The following MCF2 variants were observed in gnomAD, a reference collection of about 807,000 sequenced individuals.
MCF2 encodes the protein proto-oncogene DBL.
Under a neutral mutation model 82.5 loss-of-function variants are expected in MCF2, and 44 were observed. The ratio of observed to expected loss-of-function variants is 0.53; its 90% CI spans 0.42 to 0.69. The LOEUF (loss-of-function observed/expected upper bound fraction) is 0.69. MCF2 is among the 30% of genes least tolerant of loss of function. MCF2 has a pLI of 0.00. For synonymous variants in MCF2, 217 were observed against 224.9 expected (o/e 0.96, Z 0.32); for missense variants, 623 against 663.1 (o/e 0.94, Z 0.66).
At chrX:139,642,945 T>C, upstream of MCF2, 1 of 446,638 alleles carries the variant, frequency 2.2e-6, no homozygotes, top group Non-Finnish European at 2.9e-6. Context: ...GGTGGAATGC[T>C]AAGAATCTTT....
chrX:139,678,913 A>C (rs1934936709), intron 1 of MCF2, among the ~76,000 whole-genome samples: 1 of 112,550 alleles, frequency 8.9e-6, no homozygotes, highest in African/African-American at 3.2e-5. Context: ...TTCATTTTTC[A>C]CAAAACATCC....
chrX:139,694,630 C>T (rs1470587290), intron 1 of MCF2, among the ~76,000 whole-genome samples: 2 of 111,528 alleles, frequency 1.8e-5, no homozygotes, highest in Non-Finnish European at 3.8e-5. Context: ...AATTGTGAAC[C>T]TTAAAATATA....
chrX:139,606,214 C>A (rs1173337685), intron 12 of MCF2, among the ~76,000 whole-genome samples: 1 of 108,920 alleles, frequency 9.2e-6, no homozygotes, highest in Non-Finnish European at 1.9e-5. Flanking sequence ...CTTTAATACC[C>A]TTTTTTTCCC....
At chrX:139,613,357 G>T (rs1217375628) in intron 10 of MCF2, 94 bp from the exon 14 acceptor site, 2 of 653,581 alleles carry the variant, frequency 3.1e-6, no homozygotes, top group Non-Finnish European at 4.7e-6. Flanking sequence ...CTAATGACTT[G>T]CATGGATCTG....
chrX:139,649,465 C>T (rs1417165270), intron 2 of MCF2, among the ~76,000 whole-genome samples: 1 of 111,430 alleles, frequency 9.0e-6, no homozygotes, highest in Admixed American at 9.5e-5. Context: ...TTAAATATAA[C>T]TACATACTTG....
intron 1 of MCF2, among the ~76,000 whole-genome samples, chrX:139,633,638 A>T (rs1421382590): frequency 9.0e-6 from 1 of 110,942 alleles, no homozygotes; most frequent in Non-Finnish European, 1.9e-5. Flanking sequence ...CCAGAACCAC[A>T]TCAGAAAGGA....
intron 1 of MCF2, among the ~76,000 whole-genome samples, chrX:139,659,321 A>C (rs1489998615): frequency 9.0e-6 from 1 of 111,352 alleles, no homozygotes; most frequent in Non-Finnish European, 1.9e-5. Flanking sequence ...TTAAAAAAAA[A>C]ACTATTTCTC....
intron 1 of MCF2, among the ~76,000 whole-genome samples, chrX:139,656,122 C>T (rs1210322266): frequency 8.9e-6 from 1 of 112,036 alleles, no homozygotes; most frequent in East Asian, 2.8e-4. Flanking sequence ...AGTGCAGTGG[C>T]GCGATCTCGG....
At chrX:139,643,809 T>C (rs1013155353), upstream of MCF2, among the ~76,000 whole-genome samples, 1 of 111,489 alleles carries the variant, frequency 9.0e-6, no homozygotes, top group African/African-American at 3.3e-5. Flanking sequence ...AGAACCTCTG[T>C]TACAAGCCAC....
At chrX:139,686,714 C>A (rs1389123994) in intron 1 of MCF2, among the ~76,000 whole-genome samples, 1 of 111,624 alleles carries the variant, frequency 9.0e-6, no homozygotes, top group Non-Finnish European at 1.9e-5. Context: ...AAACCATTAG[C>A]AAATCCTTCT....
chrX:139,595,743 A>T (rs1004678400), intron 19 of MCF2, among the ~76,000 whole-genome samples: 6 of 109,482 alleles, frequency 5.5e-5, no homozygotes, highest in East Asian at 5.6e-4. Context: ...TAAAATAAAA[A>T]AATAAAAAAT....
intron 24 of MCF2, among the ~76,000 whole-genome samples, chrX:139,584,214 C>A (rs762612435): frequency 4.8e-5 from 5 of 103,726 alleles, no homozygotes; most frequent in Admixed American, 2.1e-4. Context: ...CAGCTCACTG[C>A]AACCTGCACC....
At chrX:139,602,454 G>T (rs748450229) in exon 16 of MCF2, 2 of 1,202,842 alleles carry the variant, frequency 1.7e-6, no homozygotes, top group Non-Finnish European at 1.1e-6. Context: ...TTTCTGATCT[G>T]GGCTTATTCT....
At position 139,629,686 on chromosome X, in the gene MCF2, C is replaced by T; in HGVS notation, c.438+9G>A. 8.3e-7 allele frequency: 1 copy of T among 1,204,481 alleles called. No individual in the cohort carries two copies. Among genetic ancestry groups the T allele is most frequent in the Non-Finnish European group, 1.1e-6 (1 of 890,959 alleles). On this transcript the variant is annotated intron_variant, in intron 4 of 24. Coordinates refer to ENST00000370576, the Ensembl canonical transcript of MCF2. ...GAAATCTTTTGTTTGTCAACTCTAT[C>T]AGACATACCTTCAACAGATGATACC...
At chrX:139,692,922 A>C (rs1202738263) in intron 1 of MCF2, among the ~76,000 whole-genome samples, 1 of 112,701 alleles carries the variant, frequency 8.9e-6, no homozygotes, top group African/African-American at 3.2e-5. Flanking sequence ...CCAAACGCCA[A>C]GCCTCCTGTA....
At chrX:139,676,505 G>A (rs1019883064) in intron 1 of MCF2, among the ~76,000 whole-genome samples, 93 of 111,993 alleles carry the variant, frequency 8.3e-4, no homozygotes, top group African/African-American at 2.8e-3. Flanking sequence ...TTCCTATAGA[G>A]GTCATATAGC....
At chrX:139,585,700 C>T (rs907507198) in intron 23 of MCF2, among the ~76,000 whole-genome samples, 1 of 111,714 alleles carries the variant, frequency 9.0e-6, no homozygotes, top group African/African-American at 3.3e-5. Context: ...CTGTAACACT[C>T]GCCAAATTTA....
intron 1 of MCF2, among the ~76,000 whole-genome samples, chrX:139,653,096 C>T (rs1019062661): frequency 3.6e-5 from 4 of 111,721 alleles, no homozygotes; most frequent in Non-Finnish European, 7.5e-5. Flanking sequence ...TATTTCAGAT[C>T]AAGGCATGCA....
chrX:139,625,553 G>C (rs1016659938), intron 6 of MCF2, among the ~76,000 whole-genome samples: 2 of 111,631 alleles, frequency 1.8e-5, no homozygotes, highest in African/African-American at 6.5e-5. Flanking sequence ...GCACATGCAA[G>C]AGGAACAAGT....
Sources: allele counts gnomAD v4.1 joint callset (sites outside exome capture counted in the v4.1 genomes callset), GRCh38; gene constraint gnomAD v4.1.1; transcripts MANE v1.5; gene names NCBI Gene and HGNC (gene_info 2026-07-23, HGNC 2026-07-21).